The following ZNF76 variants were observed in gnomAD, a reference collection of about 807,000 sequenced individuals.
ZNF76 encodes zinc finger protein 76.
Under a neutral mutation model 66.9 loss-of-function variants are expected in ZNF76, and 66 were observed. That is an observed-to-expected ratio of 0.99 (90% CI 0.81 to 1.21). The LOEUF (loss-of-function observed/expected upper bound fraction) is 1.21, where lower values mean the gene tolerates loss of function less well. Ranked by LOEUF, ZNF76 falls within the 50% of genes most tolerant of loss-of-function variation. The probability of loss-of-function intolerance (pLI) is 0.00; values close to 1 mark genes in which losing one functional copy is unlikely to be tolerated. For synonymous variants in ZNF76, 275 were observed against 296.1 expected, an observed-to-expected ratio of 0.93 and a Z score of 0.73; for missense variants, 729 against 760.3, an observed-to-expected ratio of 0.96 and a Z score of 0.48.
intron 1 of ZNF76, 64 bp from the exon 2 acceptor site, chr6:35,280,992 C>CT: frequency 2.8e-6 from 2 of 710,140 alleles, no homozygotes; most frequent in African/African-American, 3.5e-5. Context: ...AACTCCTTCC[C>CT]TGAGTGTCTT....
chr6:35,283,372 G>A (rs1789069405), intron 2 of ZNF76, among the ~76,000 whole-genome samples: 3 of 152,220 alleles, frequency 2.0e-5, no homozygotes, highest in African/African-American at 7.2e-5. Flanking sequence ...CTCCTCTGAA[G>A]CTTTTGACTG....
chr6:35,275,761 T>TTTCTCAA (rs1787807020), intron 1 of ZNF76, among the ~76,000 whole-genome samples: 1 of 151,778 alleles, frequency 6.6e-6, no homozygotes, highest in African/African-American at 2.4e-5. Flanking sequence ...TGAAAAGGAG[T>TTTCTCAA]GGAAATTTGT....
Position 35,292,113 on chromosome 6 carries a change from T to C in ZNF76, c.931+376T>C. On this transcript the variant is annotated intron_variant, in intron 9 of 13. Transcript: ENST00000373953. This position sits in a 1 kb window ranked among gnomAD's most constrained non-coding sequence, Gnocchi z 4.7. ...CCTCACCTTATCCGCCGTCCATGAC[T>C]CCTGTGTATCCTCACCCTCCCCAGT... 7.2e-6 allele frequency: 3 copies of C among 414,218 alleles called. No individual in the cohort carries two copies. In the South Asian group the frequency reaches 7.4e-5, roughly 10 times the overall value. The allele number at this position is 414,218 out of a possible 1,614,324, so 25.7% of individuals were successfully genotyped here.
intron 5 of ZNF76, among the ~76,000 whole-genome samples, chr6:35,289,417 C>T (rs747339227): frequency 6.6e-6 from 1 of 152,180 alleles, no homozygotes; most frequent in Non-Finnish European, 1.5e-5. Context: ...CAGACCTTGC[C>T]ATGAATTTGG....
At chr6:35,277,698 A>C (rs992218966) in intron 1 of ZNF76, among the ~76,000 whole-genome samples, 3 of 152,366 alleles carry the variant, frequency 2.0e-5, no homozygotes, top group Middle Eastern at 6.8e-3. Flanking sequence ...GGTTAACTCT[A>C]TAGTAGTGTT....
At chr6:35,264,843 C>G (rs1785763090) in intron 1 of ZNF76, among the ~76,000 whole-genome samples, 1 of 152,080 alleles carries the variant, frequency 6.6e-6, no homozygotes, top group South Asian at 2.1e-4. Context: ...GCACCTGTTG[C>G]ACTGCTTCTC....
At chr6:35,265,099 A>G (rs1185142228) in intron 1 of ZNF76, among the ~76,000 whole-genome samples, 1 of 152,144 alleles carries the variant, frequency 6.6e-6, no homozygotes, top group Non-Finnish European at 1.5e-5. Context: ...TTTTCTAGGT[A>G]CTGGGAATAG....
chr6:35,271,679 A>G (rs1043890474), intron 1 of ZNF76, among the ~76,000 whole-genome samples: 15 of 151,492 alleles, frequency 9.9e-5, no homozygotes, highest in Non-Finnish European at 1.9e-4. Context: ...CAAAAAAAAA[A>G]AAAAAGAAAA....
At chr6:35,283,500 A>G (rs1789085724) in intron 2 of ZNF76, among the ~76,000 whole-genome samples, 1 of 152,232 alleles carries the variant, frequency 6.6e-6, no homozygotes, top group Non-Finnish European at 1.5e-5. Context: ...AGAATGTGCT[A>G]TTAATAAATG....
intron 1 of ZNF76, among the ~76,000 whole-genome samples, chr6:35,264,297 G>A (rs1321103938): frequency 6.6e-6 from 1 of 152,192 alleles, no homozygotes; most frequent in Admixed American, 6.5e-5. Flanking sequence ...CATTGCTCGG[G>A]TGGGGGAATG....
chr6:35,275,166 GA>G (rs1030387180), intron 1 of ZNF76, among the ~76,000 whole-genome samples: 2 of 151,036 alleles, frequency 1.3e-5, no homozygotes, highest in Non-Finnish European at 3.0e-5. Flanking sequence ...AAAAAAAAAA[GA>G]AAAAAAATTG....
chr6:35,273,499 A>G (rs1055585577), intron 1 of ZNF76, among the ~76,000 whole-genome samples: 2 of 151,768 alleles, frequency 1.3e-5, no homozygotes, highest in African/African-American at 2.4e-5. Context: ...AGCCCAAGTC[A>G]GGGCCAGGCA....
intron 2 of ZNF76, among the ~76,000 whole-genome samples, chr6:35,282,029 G>A (rs1390177170): frequency 2.0e-5 from 3 of 151,806 alleles, no homozygotes; most frequent in Non-Finnish European, 2.9e-5. Context: ...GGGGATGCCA[G>A]AATTGAAAAT....
Position 35,293,023 on chromosome 6 carries a change from C to T in ZNF76, c.1308C>T (p.Ile436=). The T allele has an allele frequency of 1.2e-6, 2 of 1,614,050 alleles. No homozygotes were observed. The highest frequency in any genetic ancestry group is 1.7e-6 in the Non-Finnish European group (2 of 1,180,016). Residue 436 remains isoleucine (I), a synonymous_variant, in exon 11 of 14, where the codon ATC becomes ATT. Transcript: ENST00000373953. ...ATGGGGCCCCCCAGGTGGCTCTGATCACTCAGGATGGTGCCCAGCAGGTAC... is the reference window on the plus strand; with the variant it reads ...ATGGGGCCCCCCAGGTGGCTCTGATTACTCAGGATGGTGCCCAGCAGGTAC... ...EEDGAPQVAL[I]TQDGAQQVSL...
chr6:35,271,685 GA>G (rs1436679475), intron 1 of ZNF76, among the ~76,000 whole-genome samples: 3 of 143,202 alleles, frequency 2.1e-5, no homozygotes, highest in East Asian at 2.1e-4. Context: ...AAAAAAAAAA[GA>G]AAAAAAAATA....
intron 2 of ZNF76, among the ~76,000 whole-genome samples, chr6:35,285,865 A>G (rs1227812232): frequency 6.6e-6 from 1 of 152,234 alleles, no homozygotes; most frequent in Non-Finnish European, 1.5e-5. Flanking sequence ...GGGTAGAATA[A>G]TAAGTGAAGT....
At chr6:35,293,672 G>C (rs762873463) in intron 11 of ZNF76, 79 bp from the exon 12 acceptor site, 1 of 1,503,018 alleles carries the variant, frequency 6.7e-7, no homozygotes, top group African/African-American at 1.4e-5. Flanking sequence ...TTGTCTGGGA[G>C]AGCAGGTATA....
chr6:35,264,598 G>A (rs530916573), intron 1 of ZNF76, among the ~76,000 whole-genome samples: 2 of 152,238 alleles, frequency 1.3e-5, no homozygotes, highest in East Asian at 3.9e-4. Context: ...AAGATTAAAG[G>A]CAGGGGCAGC....
intron 2 of ZNF76, among the ~76,000 whole-genome samples, chr6:35,282,697 A>G (rs763614265): frequency 2.6e-5 from 4 of 152,174 alleles, no homozygotes; most frequent in Non-Finnish European, 4.4e-5. Context: ...GCCCTCCTTT[A>G]TTTCAACACA....
Sources: allele counts gnomAD v4.1 joint callset (sites outside exome capture counted in the v4.1 genomes callset), GRCh38; gene constraint gnomAD v4.1.1; non-coding constraint Gnocchi (gnomAD v3.1); transcripts MANE v1.5; gene names NCBI Gene and HGNC (gene_info 2026-07-23, HGNC 2026-07-21).